CNTNAP2: variants seen among roughly 807,000 people sequenced by gnomAD.
CNTNAP2 encodes contactin-associated protein-like 2.
Under a neutral mutation model 155.2 loss-of-function variants are expected in CNTNAP2, and 98 were observed. The ratio of observed to expected loss-of-function variants is 0.63; its 90% confidence interval spans 0.54 to 0.75. CNTNAP2 has a LOEUF of 0.75. Among genes scored for constraint, CNTNAP2 ranks in the 30% least tolerant of loss-of-function variants. The pLI is 0.00. For missense variants in CNTNAP2, 1,727 were observed against 1,688.1 expected, an observed-to-expected ratio of 1.02 and a Z score of -0.40; for synonymous variants, 651 against 631.2, an observed-to-expected ratio of 1.03 and a Z score of -0.47.
chr7:148,102,696 G>A (rs1170416842), intron 15 of CNTNAP2, among the ~76,000 whole-genome samples: 1 of 152,220 alleles, frequency 6.6e-6, no homozygotes, highest in Non-Finnish European at 1.5e-5. Context: ...TTGGATTGCA[G>A]CAGTACCTCT....
chr7:147,078,367 A>C (rs1687290639), intron 4 of CNTNAP2, among the ~76,000 whole-genome samples: 1 of 152,230 alleles, frequency 6.6e-6, no homozygotes, highest in Non-Finnish European at 1.5e-5. Flanking sequence ...ACCAAAAACT[A>C]CCATGTACCA....
intron 21 of CNTNAP2, among the ~76,000 whole-genome samples, chr7:148,293,111 T>C (rs1319776172): frequency 1.3e-5 from 2 of 152,058 alleles, no homozygotes; most frequent in African/African-American, 4.8e-5. Context: ...CAAAATCTGC[T>C]AAATGAATTT....
chr7:147,610,859 C>G (rs1310979970), intron 12 of CNTNAP2, among the ~76,000 whole-genome samples: 4 of 152,140 alleles, frequency 2.6e-5, no homozygotes, highest in Non-Finnish European at 5.9e-5. Flanking sequence ...CCACCTCAGC[C>G]TCCCAAGTAG....
chr7:146,626,489 G>C (rs1024484964), intron 1 of CNTNAP2, among the ~76,000 whole-genome samples: 10 of 152,056 alleles, frequency 6.6e-5, no homozygotes, highest in Non-Finnish European at 1.5e-4. Flanking sequence ...CAAATATGTT[G>C]ACTTAGAGTT....
At chr7:146,209,889 G>A (rs1005300013) in intron 1 of CNTNAP2, among the ~76,000 whole-genome samples, 30 of 152,190 alleles carry the variant, frequency 2.0e-4, no homozygotes, top group East Asian at 1.2e-3. Flanking sequence ...GATGCGTTGC[G>A]TGAGTTGTCG....
rs543722983 is a variant in CNTNAP2, at chr7:147,153,147, G to A, written c.1348+20638G>A. On this transcript the variant is annotated intron_variant, in intron 8 of 23. Coordinates refer to ENST00000361727, the MANE Select transcript of CNTNAP2 (RefSeq NM_014141.6). ...GAAGCAGAGACTTTTCATGGAGAATGAGTGGTTACATAAGTTTCTACACTC... is the reference window on the plus strand; with the variant it reads ...GAAGCAGAGACTTTTCATGGAGAATAAGTGGTTACATAAGTTTCTACACTC... Among the ~76,000 whole-genome samples, 7 of 152,090 alleles carry A rather than the reference G, an allele frequency of 4.6e-5. No homozygotes were observed. The East Asian group carries it at 9.7e-4, about 21-fold the overall frequency.
chr7:146,374,304 C>T (rs184098052), intron 1 of CNTNAP2, among the ~76,000 whole-genome samples: 36 of 152,114 alleles, frequency 2.4e-4, no homozygotes, highest in Middle Eastern at 3.4e-3. Flanking sequence ...CAGATTTTAC[C>T]AGAAATTCAC....
At chr7:147,036,515 A>G (rs1197743660) in intron 3 of CNTNAP2, among the ~76,000 whole-genome samples, 1 of 152,212 alleles carries the variant, frequency 6.6e-6, no homozygotes, top group East Asian at 1.9e-4. Context: ...ACTTTCCTTA[A>G]CATCAAGCTT....
Position 148,169,193 on chromosome 7 carries a change from A to T in CNTNAP2, c.2774-3049A>T, listed in dbSNP as rs562932217. On this transcript the variant is annotated intron_variant, in intron 17 of 23. Transcript: ENST00000361727. ...GAAACAAAAAATAAGAAAAGGGAAA[A>T]CATTAAAATTACTCAGCTCACAGTA... Among the ~76,000 whole-genome samples the T allele has an allele frequency of 9.8e-5, 15 of 152,354 alleles. No homozygotes were observed. In the South Asian group the frequency reaches 2.9e-3, roughly 29 times the overall value.
rs141437704 is a variant in CNTNAP2 at position 148,104,575 on chromosome 7, C to T, written c.2384-13543C>T. On this transcript the variant is annotated intron_variant, in intron 15 of 23. Coordinates refer to ENST00000361727, the MANE Select transcript of CNTNAP2 (RefSeq NM_014141.6). Reference sequence around the variant, plus strand: ...CAGCTATGACCATCCTTCATTACAACAGGGCAGATGATAAAATGGAAACTT... The same window carrying T: ...CAGCTATGACCATCCTTCATTACAATAGGGCAGATGATAAAATGGAAACTT... Among the ~76,000 whole-genome samples the T allele has an allele frequency of 6.5e-3, 993 of 152,246 alleles. 3 individuals are homozygous for T. Among genetic ancestry groups the T allele is most frequent in the Non-Finnish European group, 9.8e-3 (670 of 68,032 alleles).
intron 22 of CNTNAP2, among the ~76,000 whole-genome samples, chr7:148,405,190 A>G (rs1348325084): frequency 6.6e-6 from 1 of 152,158 alleles, no homozygotes; most frequent in Admixed American, 6.5e-5. Flanking sequence ...GAGTTGGAAA[A>G]GTGACCCCAG....
At chr7:146,857,417 ATTCG>A (rs1191934392) in intron 3 of CNTNAP2, among the ~76,000 whole-genome samples, 1 of 152,238 alleles carries the variant, frequency 6.6e-6, no homozygotes, top group Non-Finnish European at 1.5e-5. Context: ...CACAGCTTGT[ATTCG>A]TTTGTTTGTT....
intron 13 of CNTNAP2, among the ~76,000 whole-genome samples, chr7:147,698,142 A>G (rs1338255707): frequency 6.6e-6 from 1 of 152,136 alleles, no homozygotes; most frequent in Non-Finnish European, 1.5e-5. Context: ...GGTTTGCTCT[A>G]TGAGTACCCT....
chr7:147,106,853 T>C (rs564428644), intron 4 of CNTNAP2, among the ~76,000 whole-genome samples: 2 of 152,158 alleles, frequency 1.3e-5, no homozygotes, highest in Non-Finnish European at 2.9e-5. Context: ...TATGCTCCAC[T>C]TACAAGGCAA....
chr7:146,232,345 A>G (rs1799400278), intron 1 of CNTNAP2, among the ~76,000 whole-genome samples: 1 of 151,632 alleles, frequency 6.6e-6, no homozygotes, highest in African/African-American at 2.4e-5. Context: ...TTATCAGCCT[A>G]TATTTTTCAT....
At chr7:147,721,223 G>C (rs1190319311) in intron 13 of CNTNAP2, among the ~76,000 whole-genome samples, 1 of 151,936 alleles carries the variant, frequency 6.6e-6, no homozygotes, top group African/African-American at 2.4e-5. Flanking sequence ...TTTGGGGTTT[G>C]GGCTTGGGTT....
At chr7:146,822,707 G>T (rs1194995669) in intron 2 of CNTNAP2, among the ~76,000 whole-genome samples, 1 of 132,786 alleles carries the variant, frequency 7.5e-6, no homozygotes, top group South Asian at 2.4e-4. Flanking sequence ...ATATTCTTAA[G>T]TATACACTTA....
At chr7:148,083,683 T>C (rs1203015162) in intron 15 of CNTNAP2, among the ~76,000 whole-genome samples, 1 of 152,178 alleles carries the variant, frequency 6.6e-6, no homozygotes, top group Non-Finnish European at 1.5e-5. Context: ...TCTTAGAACA[T>C]TCAAGCTTGG....
intron 13 of CNTNAP2, among the ~76,000 whole-genome samples, chr7:147,872,440 G>A (rs923021626): frequency 6.6e-6 from 1 of 152,162 alleles, no homozygotes; most frequent in African/African-American, 2.4e-5. Context: ...TTGTGAAGCA[G>A]AATTACCTTT....
Sources: gnomAD v4.1 joint callset for allele counts (sites outside exome capture counted in the v4.1 genomes callset) on GRCh38, gnomAD v4.1.1 for gene constraint, MANE v1.5 for transcripts, NCBI Gene and HGNC (gene_info 2026-07-23, HGNC 2026-07-21) for gene names.